The following LARGE1 variants were observed in gnomAD, a reference collection of about 807,000 sequenced individuals.
LARGE1 encodes the protein xylosyl- and glucuronyltransferase LARGE1.
Under a neutral mutation model 87.6 loss-of-function variants are expected in LARGE1, and 43 were observed. The ratio of observed to expected loss-of-function variants is 0.49; its 90% CI spans 0.38 to 0.63. The LOEUF (loss-of-function observed/expected upper bound fraction) is 0.63. Ranked by LOEUF, LARGE1 falls within the 30% of genes least tolerant of loss-of-function variation. The probability of loss-of-function intolerance (pLI) is 0.00; values close to 1 mark genes in which losing one functional copy is unlikely to be tolerated. For missense variants in LARGE1, 802 were observed against 1,000.2 expected, an observed-to-expected ratio of 0.80 and a Z score of 2.67; for synonymous variants, 434 against 394.6, an observed-to-expected ratio of 1.10 and a Z score of -1.18.
intron 1 of LARGE1, among the ~76,000 whole-genome samples, chr22:33,806,105 C>G (rs2086300524): frequency 6.6e-6 from 1 of 152,194 alleles, no homozygotes; most frequent in Admixed American, 6.5e-5. Flanking sequence ...TTTCTCCCTC[C>G]CTCCCAGCCC....
At chr22:33,501,334 G>A (rs899743973) in intron 6 of LARGE1, among the ~76,000 whole-genome samples, 15 of 152,300 alleles carry the variant, frequency 9.8e-5, no homozygotes, top group African/African-American at 3.4e-4. Flanking sequence ...AACAGAAGAC[G>A]CTGACTTGGG....
intron 1 of LARGE1, among the ~76,000 whole-genome samples, chr22:33,763,385 G>C (rs2084797119): frequency 6.6e-6 from 1 of 152,100 alleles, no homozygotes; most frequent in African/African-American, 2.4e-5. Context: ...GGGGCTAGAG[G>C]GTGTAGACTA....
intron 2 of LARGE1, among the ~76,000 whole-genome samples, chr22:33,713,163 T>C (rs566960070): frequency 1.3e-5 from 2 of 152,200 alleles, no homozygotes; most frequent in East Asian, 3.9e-4. Context: ...TATCTACAGA[T>C]GAGGGAAAAT....
At chr22:33,514,153 T>C (rs918790419) in intron 6 of LARGE1, among the ~76,000 whole-genome samples, 1 of 152,156 alleles carries the variant, frequency 6.6e-6, no homozygotes, top group Non-Finnish European at 1.5e-5. Context: ...TCCCAGAACA[T>C]ATCCCCATCA....
chr22:33,221,376 C>T (rs929177038), intron 11 of LARGE1, among the ~76,000 whole-genome samples: 5 of 152,106 alleles, frequency 3.3e-5, no homozygotes, highest in Admixed American at 2.0e-4. Context: ...GGACCACCTG[C>T]TGAGTAAAGG....
At chr22:33,807,776 T>C (rs1457776741) in intron 1 of LARGE1, among the ~76,000 whole-genome samples, 1 of 152,222 alleles carries the variant, frequency 6.6e-6, no homozygotes, top group East Asian at 1.9e-4. Flanking sequence ...TCAAATTGGC[T>C]TCTTTCATTT....
chr22:33,518,985 G>A (rs529200944), intron 6 of LARGE1, among the ~76,000 whole-genome samples: 1 of 152,142 alleles, frequency 6.6e-6, no homozygotes, highest in Non-Finnish European at 1.5e-5. Context: ...CCAGATGGAA[G>A]TCAGCTAGTT....
intron 3 of LARGE1, among the ~76,000 whole-genome samples, chr22:33,649,773 G>C (rs2080734881): frequency 6.6e-6 from 1 of 152,204 alleles, no homozygotes; most frequent in Non-Finnish European, 1.5e-5. Context: ...TAGAAGCGTG[G>C]ATGCAGGTAT....
the LARGE1 span, among the ~76,000 whole-genome samples, chr22:33,127,157 C>T: frequency 3.3e-5 from 5 of 152,204 alleles, no homozygotes; most frequent in African/African-American, 7.2e-5. Context: ...CTGGATCAAA[C>T]GGAACGCATA....
In LARGE1 at chr22:33,437,006, C is replaced by T. The variant is rs181920222; in HGVS notation, c.788-4741G>A. Reference sequence around the variant, plus strand: ...TAAGTTGGTTCAATATTGGCAGGGGCGGGGGTGGTGCATATGGGGAAATAA... The same window carrying T: ...TAAGTTGGTTCAATATTGGCAGGGGTGGGGGTGGTGCATATGGGGAAATAA... On this transcript the variant is annotated intron_variant, in intron 6 of 14. Transcript: ENST00000397394. Among the ~76,000 whole-genome samples the T allele has an allele frequency of 3.1e-3, 441 of 143,680 alleles. 3 individuals carry two copies. Among genetic ancestry groups the T allele is most frequent in the African/African-American group, 8.4e-3 (325 of 38,718 alleles). The allele number at this position is 143,680 out of a possible 152,430, so 94.3% of individuals were successfully genotyped here. A position where few individuals can be genotyped will look rare whatever the true frequency, so the allele number is the denominator to read the frequency against.
At chr22:33,746,178 C>T (rs1372771635) in intron 2 of LARGE1, among the ~76,000 whole-genome samples, 1 of 152,106 alleles carries the variant, frequency 6.6e-6, no homozygotes, top group Non-Finnish European at 1.5e-5. Context: ...GGAGGCAGAG[C>T]TTGCAGTGAG....
intron 6 of LARGE1, among the ~76,000 whole-genome samples, chr22:33,558,688 C>T (rs2077766383): frequency 6.6e-6 from 1 of 152,180 alleles, no homozygotes; most frequent in African/African-American, 2.4e-5. Context: ...CAAAGAAAGA[C>T]AAGACCTGAA....
chr22:33,516,131 C>T (rs969201163), intron 6 of LARGE1, among the ~76,000 whole-genome samples: 2 of 152,148 alleles, frequency 1.3e-5, no homozygotes, highest in African/African-American at 2.4e-5. Context: ...AGACTGATGG[C>T]GGAGGCCCCT....
At chr22:33,738,479 AG>A (rs1363327052) in intron 2 of LARGE1, among the ~76,000 whole-genome samples, 1 of 152,182 alleles carries the variant, frequency 6.6e-6, no homozygotes, top group African/African-American at 2.4e-5. Flanking sequence ...CAGGGAAATG[AG>A]GAAGGGGGAA....
chr22:33,091,446 G>C, the LARGE1 span, among the ~76,000 whole-genome samples: 2 of 152,130 alleles, frequency 1.3e-5, no homozygotes, highest in African/African-American at 4.8e-5. Context: ...TGTAATCTCA[G>C]CTACTTGGGA....
chr22:33,508,784 C>T (rs1206274004), intron 6 of LARGE1, among the ~76,000 whole-genome samples: 5 of 152,086 alleles, frequency 3.3e-5, no homozygotes, highest in Admixed American at 1.3e-4. Flanking sequence ...ATTTGTCTCC[C>T]GAGAAGCATC....
intron 7 of LARGE1, among the ~76,000 whole-genome samples, chr22:33,400,074 G>C (rs1287363433): frequency 1.3e-5 from 2 of 152,206 alleles, no homozygotes; most frequent in African/African-American, 4.8e-5. Context: ...AATCCATGAA[G>C]ATGTCAAGTC....
intron 11 of LARGE1, among the ~76,000 whole-genome samples, chr22:33,169,600 C>T (rs1922451239): frequency 6.6e-6 from 1 of 151,994 alleles, no homozygotes; most frequent in African/African-American, 2.4e-5. Context: ...AACTGTAATC[C>T]CAGCACTTTG....
chr22:33,481,255 A>T (rs796380359), intron 6 of LARGE1, among the ~76,000 whole-genome samples: 15 of 143,856 alleles, frequency 1.0e-4, no homozygotes, highest in African/African-American at 1.5e-4. Context: ...GTACACACAC[A>T]TTTTTTTTTT....
Sources: allele counts gnomAD v4.1 joint callset (sites outside exome capture counted in the v4.1 genomes callset), GRCh38; gene constraint gnomAD v4.1.1; transcripts MANE v1.5; gene names NCBI Gene and HGNC (gene_info 2026-07-23, HGNC 2026-07-21).